The following PDGFA variants were observed in gnomAD, a reference collection of about 807,000 sequenced individuals.
The protein encoded by PDGFA is platelet derived growth factor subunit A, also known as platelet-derived growth factor subunit A.
A neutral mutation model predicts 25.6 loss-of-function variants in PDGFA; 9 were observed. The ratio of observed to expected loss-of-function variants is 0.35; its 90% confidence interval spans 0.21 to 0.61. The LOEUF (loss-of-function observed/expected upper bound fraction) is 0.61, where lower values mean the gene tolerates loss of function less well. Ranked by LOEUF, PDGFA falls within the 20% of genes least tolerant of loss-of-function variation. The pLI, the probability that PDGFA is intolerant of heterozygous loss-of-function variation, is 0.75. For synonymous variants in PDGFA, 133 were observed against 111.8 expected, an observed-to-expected ratio of 1.19 and a Z score of -1.20; for missense variants, 242 against 272.8, an observed-to-expected ratio of 0.89 and a Z score of 0.79.
intron 2 of PDGFA, among the ~76,000 whole-genome samples, chr7:515,655 C>T (rs1237277495): frequency 2.6e-5 from 4 of 152,170 alleles, no homozygotes; most frequent in African/African-American, 7.2e-5. Flanking sequence ...CTCACGGACA[C>T]AGGAGGGCTG....
upstream of PDGFA, chr7:520,124 G>T: frequency 2.6e-6 from 1 of 378,250 alleles, no homozygotes; most frequent in South Asian, 1.8e-5. Flanking sequence ...ACCCTCCAGT[G>T]CCAGCTGCAA....
intron 1 of PDGFA, 43 bp downstream of exon 1, chr7:518,896 C>G (rs760947125): frequency 7.2e-7 from 1 of 1,395,260 alleles, no homozygotes; most frequent in South Asian, 1.4e-5. Flanking sequence ...GGGTGTGCGC[C>G]GGAGGAGCCG....
At chr7:507,936 G>A in intron 4 of PDGFA, among the ~76,000 whole-genome samples, 1 of 152,088 alleles carries the variant, frequency 6.6e-6, no homozygotes, top group East Asian at 1.9e-4. Flanking sequence ...CCGCAGACAA[G>A]CACTCCCAGG....
exon 3 of PDGFA, chr7:512,384 G>C: frequency 6.2e-7 from 1 of 1,613,582 alleles, no homozygotes; most frequent in Non-Finnish European, 8.5e-7. Flanking sequence ...GGCAGGGGCC[G>C]CTTCTCGGGC....
chr7:512,703 C>A, intron 2 of PDGFA: 1 of 1,409,100 alleles, frequency 7.1e-7, no homozygotes, highest in Admixed American at 2.5e-5. Flanking sequence ...ACAGAGGTCC[C>A]CACATTCAGG....
At chr7:501,598 TG>T (rs1782342696) in intron 4 of PDGFA, among the ~76,000 whole-genome samples, 1 of 152,146 alleles carries the variant, frequency 6.6e-6, no homozygotes, top group South Asian at 2.1e-4. Flanking sequence ...ATATTTTTTT[TG>T]TGTGGAAGAG....
intron 3 of PDGFA, 86 bp from the exon 4 acceptor site, chr7:511,082 G>C (rs901168511): frequency 9.3e-7 from 1 of 1,080,472 alleles, no homozygotes. Context: ...AGCTGGGCCT[G>C]GGGGGCAACC....
intron 3 of PDGFA, 95 bp from the exon 4 acceptor site, chr7:511,091 C>G: frequency 1.1e-6 from 1 of 931,508 alleles, no homozygotes; most frequent in Non-Finnish European, 1.7e-6. Context: ...TGGGGGGCAA[C>G]CAGGGTAAGC....
chr7:506,662 C>T (rs1479913124), intron 4 of PDGFA, among the ~76,000 whole-genome samples: 1 of 152,220 alleles, frequency 6.6e-6, no homozygotes, highest in Non-Finnish European at 1.5e-5. Flanking sequence ...GGCCCACACT[C>T]CTGTCCTACC....
intron 4 of PDGFA, among the ~76,000 whole-genome samples, chr7:505,856 C>T (rs1362719327): frequency 6.6e-6 from 1 of 152,202 alleles, no homozygotes; most frequent in Non-Finnish European, 1.5e-5. Context: ...TGGAATGTCA[C>T]TCAATCCAGA....
chr7:518,980 G>T, exon 1 of PDGFA: 1 of 1,542,108 alleles, frequency 6.5e-7, no homozygotes, highest in Non-Finnish European at 8.7e-7. Flanking sequence ...CCGAGGAGCA[G>T]CAGGCAAGCC....
chr7:504,405 G>T (rs559281122), intron 4 of PDGFA, among the ~76,000 whole-genome samples: 3 of 152,252 alleles, frequency 2.0e-5, no homozygotes, highest in African/African-American at 7.2e-5. Flanking sequence ...CCCTCCCTGA[G>T]TCAAGAACTG....
intron 4 of PDGFA, among the ~76,000 whole-genome samples, chr7:505,912 G>A (rs112786682): frequency 3.9e-5 from 6 of 152,290 alleles, no homozygotes; most frequent in South Asian, 2.1e-4. Context: ...GGTGGCTCAC[G>A]CCTGTAATCC....
At chr7:502,735 G>A (rs2128392325) in intron 4 of PDGFA, among the ~76,000 whole-genome samples, 1 of 151,626 alleles carries the variant, frequency 6.6e-6, no homozygotes, top group East Asian at 1.9e-4. Flanking sequence ...CCAGAGAGGG[G>A]AGCTTCAGGC....
upstream of PDGFA, chr7:520,617 G>A (rs1210117271): frequency 1.3e-5 from 2 of 152,298 alleles, no homozygotes; most frequent in African/African-American, 4.8e-5. Flanking sequence ...GAAGGGAAAG[G>A]AGCCACCGGT....
intron 4 of PDGFA, among the ~76,000 whole-genome samples, chr7:506,272 T>C (rs377271120): frequency 1.3e-5 from 2 of 151,200 alleles, no homozygotes; most frequent in African/African-American, 2.4e-5. Flanking sequence ...AGCAAGACCC[T>C]GTCTTTATAA....
At chr7:504,136 G>A (rs146035759) in intron 4 of PDGFA, among the ~76,000 whole-genome samples, 3,268 of 152,248 alleles carry the variant, frequency 0.021, 54 homozygotes, top group Non-Finnish European at 0.031. Flanking sequence ...CGAGGACAAA[G>A]CCAGCCTTCA....
Position 500,618 on chromosome 7 carries a change from G to A in PDGFA, c.580+498C>T, listed in dbSNP as rs962437171. On this transcript the variant is annotated intron_variant, in intron 5 of 5. Transcript: ENST00000402802. The surrounding 1 kb of genome is among the most constrained non-coding windows in gnomAD (Gnocchi z 5.0). ...TTCCAGAAGAGAAGGCCAGCACCCT[G>A]GCACCGAGAAACTTCTGAGTCCCCT... 3 of 1,522,850 alleles carry A rather than the reference G, an allele frequency of 2.0e-6. No homozygotes were observed. The highest frequency in any genetic ancestry group is 2.8e-5 in the African/African-American group (2 of 71,952). The allele number at this position is 1,522,850 out of a possible 1,614,324, so 94.3% of individuals were successfully genotyped here. A position where few individuals can be genotyped will look rare whatever the true frequency, so the allele number is the denominator to read the frequency against.
exon 6 of PDGFA, chr7:497,959 C>CAAAAAAAAAAAAAAAAAAAAAAAAAAAAA (rs1166606050): frequency 5.3e-5 from 3 of 56,698 alleles, no homozygotes; most frequent in Admixed American, 2.8e-4. Flanking sequence ...AAAAAAAAAA[C>CAAAAAAAAAAAAAAAAAAAAAAAAAAAAA]AAAAAAAAAA....
Sources: allele counts gnomAD v4.1 joint callset (sites outside exome capture counted in the v4.1 genomes callset), GRCh38; gene constraint gnomAD v4.1.1; non-coding constraint Gnocchi (gnomAD v3.1); transcripts MANE v1.5; gene names NCBI Gene and HGNC (gene_info 2026-07-23, HGNC 2026-07-21).